NR3C2: variants seen among roughly 807,000 people sequenced by gnomAD.
The protein encoded by NR3C2 is mineralocorticoid receptor.
A neutral mutation model predicts 86.4 loss-of-function variants in NR3C2; 15 were observed. The observed-to-expected ratio is 0.17, with a 90% CI of 0.12 to 0.27. The LOEUF (loss-of-function observed/expected upper bound fraction) is 0.27, where lower values mean the gene tolerates loss of function less well. NR3C2 is among the 10% of genes least tolerant of loss of function. The pLI is 1.00. For missense variants in NR3C2, 960 were observed against 1,195.6 expected (o/e 0.80, Z 2.91); for synonymous variants, 458 against 450.5 (o/e 1.02, Z -0.21).
At chr4:148,357,586 G>A (rs570820213) in intron 2 of NR3C2, among the ~76,000 whole-genome samples, 2 of 152,100 alleles carry the variant, frequency 1.3e-5, no homozygotes, top group South Asian at 4.1e-4. Flanking sequence ...CTGTGATATC[G>A]AAAACTTTTA....
intron 2 of NR3C2, among the ~76,000 whole-genome samples, chr4:148,417,983 CAG>C (rs1749094138): frequency 6.6e-6 from 1 of 152,086 alleles, no homozygotes. Flanking sequence ...TCCCTATAAT[CAG>C]AACACTAGAC....
chr4:148,312,039 T>G (rs937615431), intron 2 of NR3C2, among the ~76,000 whole-genome samples: 2 of 152,086 alleles, frequency 1.3e-5, no homozygotes, highest in Admixed American at 6.5e-5. Flanking sequence ...TTATGCTGTA[T>G]TTGGTGGCAA....
chr4:148,234,039 G>T (rs1450393194), intron 3 of NR3C2, among the ~76,000 whole-genome samples: 1 of 152,060 alleles, frequency 6.6e-6, no homozygotes, highest in Non-Finnish European at 1.5e-5. Flanking sequence ...ATAAACTGAG[G>T]TATGCCTATA....
chr4:148,436,231 G>C lies in NR3C2; in HGVS notation c.630C>G (p.Ile210Met). ...TGGCTGTGGTGGAGGACACAGAGTT[G>C]ATTCCAGCAGGGCTGCAAACCGAAG... is the stretch of plus-strand genomic sequence containing the variant. ...MTSSVCSPAG[I>M]NSVSSTTASF... The change falls in exon 2 of 9, where the codon ATC becomes ATG. Residue 210 changes from isoleucine (I) to methionine (M), a missense_variant. Transcript: ENST00000358102. The C allele has an allele frequency of 6.2e-7, 1 of 1,614,188 alleles. No individual in the cohort carries two copies. Among genetic ancestry groups the C allele is most frequent in the Non-Finnish European group, 8.5e-7 (1 of 1,180,042 alleles).
intron 4 of NR3C2, among the ~76,000 whole-genome samples, chr4:148,180,445 T>A (rs1305600577): frequency 6.6e-6 from 1 of 152,186 alleles, no homozygotes; most frequent in African/African-American, 2.4e-5. Context: ...CCTTTGGCCA[T>A]CTGTGTGTCT....
intron 8 of NR3C2, among the ~76,000 whole-genome samples, chr4:148,094,715 C>CAA (rs560353672): frequency 9.7e-5 from 10 of 103,476 alleles, no homozygotes; most frequent in African/African-American, 2.5e-4. Flanking sequence ...AACTCCATCT[C>CAA]AAAAAAAAAA....
At chr4:148,299,884 C>T (rs144886600) in intron 2 of NR3C2, among the ~76,000 whole-genome samples, 1 of 151,778 alleles carries the variant, frequency 6.6e-6, no homozygotes, top group Non-Finnish European at 1.5e-5. Flanking sequence ...TCCTTTTTTC[C>T]CTTTTAGAAG....
chr4:148,357,585 C>T (rs1415703081), intron 2 of NR3C2, among the ~76,000 whole-genome samples: 10 of 152,212 alleles, frequency 6.6e-5, no homozygotes, highest in South Asian at 4.1e-4. Flanking sequence ...TCTGTGATAT[C>T]GAAAACTTTT....
At chr4:148,127,493 A>G (rs7687754) in intron 6 of NR3C2, among the ~76,000 whole-genome samples, 74,926 of 152,076 alleles carry the variant, frequency 0.49, 18,969 homozygotes, top group East Asian at 0.71. Context: ...ATCCATGACC[A>G]AAAGTCACCC....
At chr4:148,365,568 G>T (rs72729961) in intron 2 of NR3C2, among the ~76,000 whole-genome samples, 31,096 of 151,934 alleles carry the variant, frequency 0.2, 3,388 homozygotes, top group Non-Finnish European at 0.23. Context: ...AGATTGACAG[G>T]TATCAAAATA....
intron 2 of NR3C2, among the ~76,000 whole-genome samples, chr4:148,282,996 G>A (rs543894004): frequency 2.0e-5 from 3 of 152,084 alleles, no homozygotes; most frequent in South Asian, 4.2e-4. Flanking sequence ...TAGAAGGAAC[G>A]GGAAGGAAAC....
chr4:148,149,941 T>C (rs1734031727), intron 6 of NR3C2, among the ~76,000 whole-genome samples: 3 of 152,194 alleles, frequency 2.0e-5, no homozygotes, highest in African/African-American at 7.2e-5. Context: ...CCCTTGTACA[T>C]TGCTGCTGGG....
intron 3 of NR3C2, among the ~76,000 whole-genome samples, chr4:148,249,817 G>C (rs1739489737): frequency 6.6e-6 from 1 of 152,178 alleles, no homozygotes; most frequent in African/African-American, 2.4e-5. Context: ...CTAAGAGCTA[G>C]CATTTATTAA....
chr4:148,442,679 T>A, upstream of NR3C2: 3 of 985,380 alleles, frequency 3.0e-6, no homozygotes, highest in Non-Finnish European at 3.6e-6. Flanking sequence ...GCGACATGAC[T>A]GATACAAAGT....
At chr4:148,135,988 CGGAGCTTGCAG>C in intron 6 of NR3C2, among the ~76,000 whole-genome samples, 2 of 107,432 alleles carry the variant, frequency 1.9e-5, no homozygotes, top group Non-Finnish European at 3.8e-5. Context: ...ACCCGGGAGG[CGGAGCTTGCAG>C]TGAGCCGAGA....
At chr4:148,207,977 C>T (rs1737091890) in intron 3 of NR3C2, 1 of 152,322 alleles carries the variant, frequency 6.6e-6, no homozygotes, top group South Asian at 2.1e-4. Context: ...TTATACTACA[C>T]TTACCTATTT....
Position 148,274,358 on chromosome 4 carries a change from G to A in NR3C2, c.1758-14241C>T, listed in dbSNP as rs2149888939. Among the ~76,000 whole-genome samples the A allele has an allele frequency of 1.3e-5, 2 of 152,320 alleles. 1 individual carries two copies. The highest frequency in any genetic ancestry group is 4.1e-4 in the South Asian group (2 of 4,828). ...AAAATAATGGCACAGATAAATTTGA[G>A]AGTGATATGGTTTGGCTCTGTGCCC... On this transcript the variant is annotated intron_variant, in intron 2 of 8. Coordinates refer to ENST00000358102, the MANE Select transcript of NR3C2 (RefSeq NM_000901.5).
At chr4:148,289,082 T>C (rs1741673030) in intron 2 of NR3C2, among the ~76,000 whole-genome samples, 2 of 152,166 alleles carry the variant, frequency 1.3e-5, no homozygotes, top group African/African-American at 4.8e-5. Context: ...TTGTCAGCTA[T>C]TAAAAGGCGT....
At chr4:148,261,282 A>AGCGCTATGGT (rs140440367) in intron 2 of NR3C2, among the ~76,000 whole-genome samples, 52,770 of 114,136 alleles carry the variant, frequency 0.46, 10,480 homozygotes, top group East Asian at 0.75. Flanking sequence ...CACTATGGTA[A>AGCGCTATGGT]GCGCTATGGT....
Sources: allele counts gnomAD v4.1 joint callset (sites outside exome capture counted in the v4.1 genomes callset), GRCh38; gene constraint gnomAD v4.1.1; transcripts MANE v1.5; gene names NCBI Gene and HGNC (gene_info 2026-07-23, HGNC 2026-07-21).